The following MGAT4C variants were observed in gnomAD, a reference collection of about 807,000 sequenced individuals.
The protein encoded by MGAT4C is alpha-1,3-mannosyl-glycoprotein 4-beta-N-acetylglucosaminyltransferase C.
In MGAT4C, 19 loss-of-function variants were observed where a neutral mutation model predicts 40.1. The ratio of observed to expected loss-of-function variants is 0.47; its 90% CI spans 0.33 to 0.70. MGAT4C has a LOEUF of 0.70. Ranked by LOEUF, MGAT4C falls within the 30% of genes least tolerant of loss-of-function variation. The pLI, the probability that MGAT4C is intolerant of heterozygous loss-of-function variation, is 0.02. For missense variants in MGAT4C, 491 were observed against 563.2 expected (o/e 0.87, Z 1.30); for synonymous variants, 181 against 187.1 (o/e 0.97, Z 0.27).
chr12:86,297,647 C>G (rs550284854), intron 4 of MGAT4C, among the ~76,000 whole-genome samples: 119 of 152,210 alleles, frequency 7.8e-4, no homozygotes, highest in Admixed American at 1.4e-3. Context: ...GGAGGAGGGT[C>G]TGATCCTAAA....
chr12:86,675,785 G>A (rs1185428285), intron 2 of MGAT4C, among the ~76,000 whole-genome samples: 1 of 151,994 alleles, frequency 6.6e-6, no homozygotes, highest in Non-Finnish European at 1.5e-5. Context: ...GAGGATAATG[G>A]AGATATCCAT....
chr12:86,725,441 G>C (rs930779675), intron 2 of MGAT4C, among the ~76,000 whole-genome samples: 9 of 151,964 alleles, frequency 5.9e-5, no homozygotes, highest in Non-Finnish European at 1.2e-4. Flanking sequence ...AAACATCAGC[G>C]CCCCCTGACA....
chr12:86,783,337 TAC>T (rs1951875358), intron 1 of MGAT4C, among the ~76,000 whole-genome samples: 1 of 152,328 alleles, frequency 6.6e-6, no homozygotes, highest in South Asian at 2.1e-4. Flanking sequence ...GTCATATATT[TAC>T]ACAGTTTGAT....
At chr12:86,772,857 T>A (rs1951662617) in intron 1 of MGAT4C, among the ~76,000 whole-genome samples, 1 of 152,170 alleles carries the variant, frequency 6.6e-6, no homozygotes, top group Non-Finnish European at 1.5e-5. Flanking sequence ...AGTTCACAGC[T>A]GGAGAGTAAT....
At chr12:86,411,961 A>G (rs1421913461) in intron 3 of MGAT4C, among the ~76,000 whole-genome samples, 1 of 152,160 alleles carries the variant, frequency 6.6e-6, no homozygotes, top group Admixed American at 6.5e-5. Context: ...TTCTCAGGCC[A>G]CTGCTCCAAA....
intron 4 of MGAT4C, among the ~76,000 whole-genome samples, chr12:86,329,403 A>G (rs1954605993): frequency 6.6e-6 from 1 of 152,116 alleles, no homozygotes; most frequent in African/African-American, 2.4e-5. Context: ...TCTTTCACAA[A>G]TCTTGTCCTG....
rs1340711515 is a variant in MGAT4C at position 86,223,821 on chromosome 12, C to T, written c.-57+32418G>A. On this transcript the variant is annotated intron_variant, in intron 1 of 4. Transcript: ENST00000611864. ...ACCCAACTTGCCCAGACTACCATAG[C>T]TTGCACTGATCTGCACACAACACCA... is the stretch of plus-strand genomic sequence containing the variant. Among the ~76,000 whole-genome samples the T allele has an allele frequency of 2.0e-5, 3 of 152,298 alleles. No homozygotes were observed. The East Asian group carries it at 5.8e-4, about 29-fold the overall frequency.
chr12:86,490,080 A>G (rs1352392022), intron 2 of MGAT4C, among the ~76,000 whole-genome samples: 1 of 152,106 alleles, frequency 6.6e-6, no homozygotes, highest in African/African-American at 2.4e-5. Flanking sequence ...GAACGCCACA[A>G]AGATACTCCT....
At chr12:86,386,895 G>T (rs1259169881) in intron 3 of MGAT4C, among the ~76,000 whole-genome samples, 1 of 151,960 alleles carries the variant, frequency 6.6e-6, no homozygotes, top group Non-Finnish European at 1.5e-5. Context: ...GTTCAATTTA[G>T]CTATTGTGTT....
intron 2 of MGAT4C, among the ~76,000 whole-genome samples, chr12:86,611,021 T>A (rs1962237902): frequency 1.3e-5 from 2 of 151,640 alleles, no homozygotes; most frequent in South Asian, 4.2e-4. Context: ...CTGTGCTCAG[T>A]CATAGGCTGG....
chr12:86,727,390 A>G (rs1950839475), intron 1 of MGAT4C: 1 of 152,072 alleles, frequency 6.6e-6, no homozygotes, highest in Non-Finnish European at 1.5e-5. Context: ...GTGTATATTT[A>G]TCTTTTGTTA....
intron 1 of MGAT4C, among the ~76,000 whole-genome samples, chr12:86,163,729 C>A (rs543441868): frequency 3.3e-5 from 5 of 152,080 alleles, no homozygotes; most frequent in Non-Finnish European, 7.4e-5. Flanking sequence ...TAACGTGAAA[C>A]ATTTTTGAAC....
intron 4 of MGAT4C, among the ~76,000 whole-genome samples, chr12:86,329,253 G>A (rs560364306): frequency 9.3e-5 from 14 of 151,078 alleles, no homozygotes; most frequent in Admixed American, 3.3e-4. Context: ...AAAAATAATA[G>A]AAAAATTTGG....
At chr12:86,600,695 G>A (rs1018590398) in intron 2 of MGAT4C, among the ~76,000 whole-genome samples, 5 of 152,246 alleles carry the variant, frequency 3.3e-5, no homozygotes, top group Non-Finnish European at 5.9e-5. Context: ...GCTCGGCCAG[G>A]GCTGCGCACT....
intron 4 of MGAT4C, among the ~76,000 whole-genome samples, chr12:86,297,477 G>A (rs1202467565): frequency 6.6e-6 from 1 of 152,148 alleles, no homozygotes; most frequent in South Asian, 2.1e-4. Flanking sequence ...CTACATTTGA[G>A]TCTGTGCACA....
At chr12:86,125,243 A>T (rs1232384589) in intron 1 of MGAT4C, among the ~76,000 whole-genome samples, 1 of 152,196 alleles carries the variant, frequency 6.6e-6, no homozygotes, top group Admixed American at 6.5e-5. Context: ...TGGAGATCAT[A>T]TCAAGCAGGG....
At chr12:86,351,937 T>C (rs1009403343) in intron 3 of MGAT4C, among the ~76,000 whole-genome samples, 12 of 152,152 alleles carry the variant, frequency 7.9e-5, no homozygotes, top group African/African-American at 2.4e-4. Flanking sequence ...ATTAGGATAG[T>C]TGGATTGCTG....
chr12:86,245,105 ACT>A (rs1297171375), intron 1 of MGAT4C, among the ~76,000 whole-genome samples: 1 of 152,006 alleles, frequency 6.6e-6, no homozygotes, highest in African/African-American at 2.4e-5. Context: ...ATAATGGCCC[ACT>A]CTAAACTAAA....
intron 3 of MGAT4C, among the ~76,000 whole-genome samples, chr12:86,342,686 AC>A (rs1334718539): frequency 6.6e-6 from 1 of 151,864 alleles, no homozygotes; most frequent in East Asian, 1.9e-4. Flanking sequence ...TGATCCGCCC[AC>A]CTCGGCCTCC....
Sources: gnomAD v4.1 joint callset for allele counts (sites outside exome capture counted in the v4.1 genomes callset) on GRCh38, gnomAD v4.1.1 for gene constraint, MANE v1.5 for transcripts, NCBI Gene and HGNC (gene_info 2026-07-23, HGNC 2026-07-21) for gene names.